Variants in GFOD1 observed in about 807,000 individuals in gnomAD.
GFOD1 encodes the protein Gfo/Idh/MocA-like oxidoreductase domain containing 1.
In GFOD1, 9 loss-of-function variants were observed where a neutral mutation model predicts 25.4. That is an observed-to-expected ratio of 0.35 (90% CI 0.21 to 0.62). The LOEUF is 0.62. GFOD1 is among the 20% of genes least tolerant of loss of function. The pLI is 0.72. For synonymous variants in GFOD1, 253 were observed against 245.6 expected, an observed-to-expected ratio of 1.03 and a Z score of -0.28; for missense variants, 403 against 556.9, an observed-to-expected ratio of 0.72 and a Z score of 2.78.
chr6:13,412,550 G>C (rs1786096371), intron 1 of GFOD1, among the ~76,000 whole-genome samples: 1 of 152,224 alleles, frequency 6.6e-6, no homozygotes, highest in African/African-American at 2.4e-5. Flanking sequence ...TGTGGAAGCA[G>C]AGCCAACATC....
At chr6:13,449,220 G>A (rs191528570) in intron 1 of GFOD1, among the ~76,000 whole-genome samples, 1 of 152,236 alleles carries the variant, frequency 6.6e-6, no homozygotes, top group Non-Finnish European at 1.5e-5. Flanking sequence ...GAGCCCAGGA[G>A]GTTGGGGCTG....
chr6:13,448,741 G>A (rs1418745726), intron 1 of GFOD1, among the ~76,000 whole-genome samples: 1 of 152,136 alleles, frequency 6.6e-6, no homozygotes. Flanking sequence ...AAACCACCAA[G>A]GAATTTATAA....
In GFOD1 at chr6:13,487,026, C is replaced by T; in HGVS notation, c.-136G>A. On this transcript the variant is annotated 5_prime_UTR_variant, in exon 1 of 2. Transcript: ENST00000379287. This position sits in a 1 kb window ranked among gnomAD's most constrained non-coding sequence, Gnocchi z 4.9. The stretch of plus-strand genomic sequence containing the variant: ...GGTGCGCCAGCCGCCGTGCACCGGG[C>T]AAGGCGCCCGGGTGCCCAGAGCGCA... 8.9e-7 allele frequency: 1 copy of T among 1,124,530 alleles called. No homozygotes were observed. The highest frequency in any genetic ancestry group is 1.2e-6 in the Non-Finnish European group (1 of 810,164). 69.7% of individuals were successfully genotyped at this position (1,124,530 alleles called of 1,614,324 possible).
intron 1 of GFOD1, among the ~76,000 whole-genome samples, chr6:13,421,624 C>T (rs1786258747): frequency 6.6e-6 from 1 of 152,098 alleles, no homozygotes; most frequent in Non-Finnish European, 1.5e-5. Flanking sequence ...AGGCATATGC[C>T]GCCCACCAGA....
chr6:13,372,770 C>T (rs762485266), intron 1 of GFOD1, among the ~76,000 whole-genome samples: 8 of 152,208 alleles, frequency 5.3e-5, no homozygotes, highest in South Asian at 2.1e-4. Context: ...CATCCCTCCC[C>T]GTGAGCACAC....
intron 1 of GFOD1, among the ~76,000 whole-genome samples, chr6:13,406,837 G>A (rs560387434): frequency 6.6e-6 from 1 of 152,250 alleles, no homozygotes; most frequent in East Asian, 1.9e-4. Context: ...TTGGCATTTT[G>A]TACACAGTGT....
intron 1 of GFOD1, among the ~76,000 whole-genome samples, chr6:13,380,280 T>G (rs1172740251): frequency 6.6e-6 from 1 of 152,220 alleles, no homozygotes; most frequent in Non-Finnish European, 1.5e-5. Flanking sequence ...TTGTTAAGAC[T>G]GCTGACAGTA....
At chr6:13,424,146 C>G (rs946768917) in intron 1 of GFOD1, among the ~76,000 whole-genome samples, 2 of 152,244 alleles carry the variant, frequency 1.3e-5, no homozygotes, top group African/African-American at 4.8e-5. Flanking sequence ...GCGTGAGCCA[C>G]TGTGACCAGC....
intron 1 of GFOD1, among the ~76,000 whole-genome samples, chr6:13,479,775 A>G (rs557302116): frequency 4.6e-4 from 70 of 152,330 alleles, no homozygotes; most frequent in African/African-American, 1.6e-3. Flanking sequence ...GACTTTTCCT[A>G]ACAATAATGC....
At chr6:13,456,336 G>A (rs1396576826) in intron 1 of GFOD1, among the ~76,000 whole-genome samples, 3 of 152,008 alleles carry the variant, frequency 2.0e-5, no homozygotes, top group South Asian at 2.1e-4. Context: ...CACCACGCCC[G>A]GCTGACTTTT....
At chr6:13,388,637 T>C (rs1366083046) in intron 1 of GFOD1, among the ~76,000 whole-genome samples, 1 of 152,196 alleles carries the variant, frequency 6.6e-6, no homozygotes, top group African/African-American at 2.4e-5. Context: ...GACTTAAATG[T>C]AAGACCTAAA....
Position 13,430,412 on chromosome 6 carries a change from G to A in GFOD1, c.253+56226C>T, listed in dbSNP as rs1359312750. On this transcript the variant is annotated intron_variant, in intron 1 of 1. Transcript: ENST00000379287. This position sits in a 1 kb window ranked among gnomAD's most constrained non-coding sequence, Gnocchi z 4.1. ...AGATCACACCACTGCACTCCAGCCT[G>A]GGTGACAGAACGAGACTCCACCTCA... Among the ~76,000 whole-genome samples, 1 of 152,046 alleles carries A rather than the reference G, an allele frequency of 6.6e-6. No individual in the cohort carries two copies. The highest frequency in any genetic ancestry group is 2.4e-5 in the African/African-American group (1 of 41,390).
chr6:13,385,546 G>T (rs1405932591), intron 1 of GFOD1, among the ~76,000 whole-genome samples: 1 of 152,170 alleles, frequency 6.6e-6, no homozygotes, highest in African/African-American at 2.4e-5. Context: ...GACAAGAGAA[G>T]AAAATCACAG....
intron 1 of GFOD1, among the ~76,000 whole-genome samples, chr6:13,371,645 T>C (rs1785156425): frequency 6.6e-6 from 1 of 152,210 alleles, no homozygotes; most frequent in East Asian, 1.9e-4. Context: ...CCTGAGAAAG[T>C]ATGTTTTGTG....
intron 1 of GFOD1, among the ~76,000 whole-genome samples, chr6:13,438,189 T>G (rs1030417064): frequency 6.6e-6 from 1 of 152,208 alleles, no homozygotes; most frequent in Non-Finnish European, 1.5e-5. Context: ...AGTGAGATTT[T>G]GAAGATTTAG....
chr6:13,385,225 C>T (rs961846975), intron 1 of GFOD1, among the ~76,000 whole-genome samples: 4 of 152,184 alleles, frequency 2.6e-5, no homozygotes, highest in South Asian at 4.1e-4. Flanking sequence ...AGTCTAATCT[C>T]GGGCGTGTGC....
chr6:13,439,466 T>G (rs890341416), intron 1 of GFOD1, among the ~76,000 whole-genome samples: 1 of 152,250 alleles, frequency 6.6e-6, no homozygotes, highest in Admixed American at 6.5e-5. Flanking sequence ...CCACCACATT[T>G]GCACTTCAGA....
intron 1 of GFOD1, among the ~76,000 whole-genome samples, chr6:13,374,273 T>TGTGTGTGTG (rs1554199407): frequency 4.8e-4 from 65 of 134,412 alleles, no homozygotes; most frequent in African/African-American, 1.8e-3. Context: ...TGTTTTTTTT[T>TGTGTGTGTG]TGTGTGTGTG....
intron 1 of GFOD1, among the ~76,000 whole-genome samples, chr6:13,385,654 C>T (rs938084676): frequency 2.0e-5 from 3 of 152,128 alleles, no homozygotes; most frequent in Non-Finnish European, 4.4e-5. Flanking sequence ...CATTGAGCAA[C>T]TTTTGTATGC....
Sources: gnomAD v4.1 joint callset for allele counts (sites outside exome capture counted in the v4.1 genomes callset) on GRCh38, gnomAD v4.1.1 for gene constraint, Gnocchi (gnomAD v3.1) non-coding constraint, MANE v1.5 for transcripts, NCBI Gene and HGNC (gene_info 2026-07-23, HGNC 2026-07-21) for gene names.